Variants in EYA4 observed in about 807,000 individuals in gnomAD.
The protein encoded by EYA4 is EYA transcriptional coactivator and phosphatase 4.
A neutral mutation model predicts 87.9 loss-of-function variants in EYA4; 31 were observed. That is an observed-to-expected ratio of 0.35 (90% confidence interval 0.27 to 0.48). EYA4 has a LOEUF of 0.48. Ranked by LOEUF, EYA4 falls within the 20% of genes least tolerant of loss-of-function variation. The probability of loss-of-function intolerance (pLI) is 0.99; values close to 1 mark genes in which losing one functional copy is unlikely to be tolerated. For synonymous variants in EYA4, 263 were observed against 270.6 expected (o/e 0.97, Z 0.28); for missense variants, 678 against 761.4 (o/e 0.89, Z 1.29).
At chr6:133,280,009 GTAC>G (rs2128279695) in intron 2 of EYA4, among the ~76,000 whole-genome samples, 1 of 151,990 alleles carries the variant, frequency 6.6e-6, no homozygotes, top group East Asian at 1.9e-4. Context: ...TTATTCTTGG[GTAC>G]TCTAAACCCA....
intron 1 of EYA4, among the ~76,000 whole-genome samples, chr6:133,243,279 A>C (rs779842165): frequency 6.6e-6 from 1 of 152,218 alleles, no homozygotes; most frequent in Non-Finnish European, 1.5e-5. Flanking sequence ...CTCATACTTA[A>C]CAGTTTTCTT....
At chr6:133,345,710 T>C (rs555335558) in intron 2 of EYA4, among the ~76,000 whole-genome samples, 12 of 152,338 alleles carry the variant, frequency 7.9e-5, no homozygotes, top group Non-Finnish European at 1.2e-4. Context: ...TGTTAATCTG[T>C]CTGTTAACTT....
chr6:133,371,669 C>G (rs1785278026), intron 2 of EYA4, among the ~76,000 whole-genome samples: 1 of 152,146 alleles, frequency 6.6e-6, no homozygotes, highest in African/African-American at 2.4e-5. Context: ...ATTGTATGAT[C>G]TAACTTTTTG....
chr6:133,321,022 T>G (rs1434384968), intron 2 of EYA4, among the ~76,000 whole-genome samples: 3 of 152,160 alleles, frequency 2.0e-5, no homozygotes, highest in Admixed American at 6.5e-5. Flanking sequence ...AATTGTTTTC[T>G]TCTCGGCACT....
chr6:133,482,089 ACTTT>A (rs1796264557), intron 12 of EYA4, among the ~76,000 whole-genome samples: 2 of 152,184 alleles, frequency 1.3e-5, no homozygotes, highest in African/African-American at 4.8e-5. Context: ...ATTATATGTC[ACTTT>A]CTATTTATGA....
At chr6:133,518,545 C>A (rs985470646) in intron 17 of EYA4, among the ~76,000 whole-genome samples, 1 of 151,976 alleles carries the variant, frequency 6.6e-6, no homozygotes, top group South Asian at 2.1e-4. Flanking sequence ...TAGTAGAACC[C>A]CTAGCAAAAT....
intron 2 of EYA4, among the ~76,000 whole-genome samples, chr6:133,317,008 G>T (rs901318934): frequency 6.6e-6 from 1 of 152,164 alleles, no homozygotes; most frequent in Non-Finnish European, 1.5e-5. Flanking sequence ...GGCCTCATGT[G>T]AATTCTTTGT....
chr6:133,276,661 C>T (rs925080339), intron 2 of EYA4, among the ~76,000 whole-genome samples: 1 of 152,106 alleles, frequency 6.6e-6, no homozygotes, highest in African/African-American at 2.4e-5. Context: ...TGCCTACCCT[C>T]TCAGCTTGAA....
intron 10 of EYA4, among the ~76,000 whole-genome samples, chr6:133,465,659 A>C (rs916901509): frequency 6.6e-6 from 1 of 152,120 alleles, no homozygotes; most frequent in Non-Finnish European, 1.5e-5. Flanking sequence ...GAGATTGAAG[A>C]GTTAGTGGCT....
chr6:133,448,500 T>A (rs573667974), intron 5 of EYA4, among the ~76,000 whole-genome samples: 4 of 152,310 alleles, frequency 2.6e-5, no homozygotes, highest in South Asian at 4.1e-4. Flanking sequence ...AACTGCCATG[T>A]CAAACAGCAA....
At chr6:133,358,362 A>C (rs1006893374) in intron 2 of EYA4, among the ~76,000 whole-genome samples, 1 of 152,206 alleles carries the variant, frequency 6.6e-6, no homozygotes, top group Non-Finnish European at 1.5e-5. Context: ...TCCTCAGTGA[A>C]AGTGAGACAA....
intron 3 of EYA4, among the ~76,000 whole-genome samples, chr6:133,406,746 T>C (rs1788742822): frequency 6.6e-6 from 1 of 152,198 alleles, no homozygotes; most frequent in Non-Finnish European, 1.5e-5. Flanking sequence ...TTTAACAAAA[T>C]AATTTCCAAG....
intron 2 of EYA4, among the ~76,000 whole-genome samples, chr6:133,291,799 C>A (rs2128297886): frequency 6.6e-6 from 1 of 152,142 alleles, no homozygotes; most frequent in Admixed American, 6.5e-5. Context: ...CTTCCCCTTT[C>A]TTCTGTGATT....
At chr6:133,525,702 A>G (rs190555834) in intron 19 of EYA4, among the ~76,000 whole-genome samples, 9 of 152,298 alleles carry the variant, frequency 5.9e-5, no homozygotes, top group African/African-American at 9.6e-5. Flanking sequence ...TGAGCTCCAT[A>G]CAAAAGTCAT....
intron 3 of EYA4, among the ~76,000 whole-genome samples, chr6:133,424,009 A>G (rs6899927): frequency 0.46 from 70,388 of 152,040 alleles, 17,578 homozygotes; most frequent in East Asian, 0.75. Flanking sequence ...CTCTGTAGGT[A>G]TGTCATCCGT....
intron 3 of EYA4, among the ~76,000 whole-genome samples, chr6:133,440,088 AG>A (rs1450808843): frequency 6.6e-6 from 1 of 152,190 alleles, no homozygotes; most frequent in Non-Finnish European, 1.5e-5. Flanking sequence ...TTAGTTTTAT[AG>A]TGGCAATATT....
chr6:133,244,164 G>A (rs1294534398), intron 1 of EYA4, among the ~76,000 whole-genome samples: 2 of 152,094 alleles, frequency 1.3e-5, no homozygotes, highest in Non-Finnish European at 2.9e-5. Flanking sequence ...AATCAATATG[G>A]TTTTCAAAAG....
At chr6:133,289,048 C>A (rs981598638) in intron 2 of EYA4, among the ~76,000 whole-genome samples, 1 of 152,114 alleles carries the variant, frequency 6.6e-6, no homozygotes, top group Non-Finnish European at 1.5e-5. Context: ...CACAGAACAG[C>A]AATTGAATGG....
At chr6:133,404,001 A>G (rs1788485532) in intron 3 of EYA4, among the ~76,000 whole-genome samples, 1 of 151,960 alleles carries the variant, frequency 6.6e-6, no homozygotes, top group African/African-American at 2.4e-5. Context: ...TTTAGTAGAG[A>G]TGGGGTTTCT....
Sources: gnomAD v4.1 joint callset for allele counts (sites outside exome capture counted in the v4.1 genomes callset) on GRCh38, gnomAD v4.1.1 for gene constraint, MANE v1.5 for transcripts, NCBI Gene and HGNC (gene_info 2026-07-23, HGNC 2026-07-21) for gene names.